The following FBXW7 variants were observed in gnomAD, a reference collection of about 807,000 sequenced individuals.
The protein encoded by FBXW7 is F-box/WD repeat-containing protein 7.
In FBXW7, 11 loss-of-function variants were observed where a neutral mutation model predicts 86.3. The ratio of observed to expected loss-of-function variants is 0.13; its 90% CI spans 0.08 to 0.21. FBXW7 has a LOEUF of 0.21. Among genes scored for constraint, FBXW7 ranks in the 10% least tolerant of loss-of-function variants. The pLI is 1.00. For synonymous variants in FBXW7, 313 were observed against 297.9 expected (o/e 1.05, Z -0.52); for missense variants, 488 against 847.4 (o/e 0.58, Z 5.27).
At chr4:152,496,952 A>G (rs1205102626) in intron 2 of FBXW7, among the ~76,000 whole-genome samples, 1 of 152,238 alleles carries the variant, frequency 6.6e-6, no homozygotes, top group African/African-American at 2.4e-5. Context: ...AAAGCAGACC[A>G]AAGAAGCTAT....
At chr4:152,327,538 G>A (rs1409319510) in intron 11 of FBXW7, among the ~76,000 whole-genome samples, 1 of 151,964 alleles carries the variant, frequency 6.6e-6, no homozygotes, top group Non-Finnish European at 1.5e-5. Flanking sequence ...AACAGCAAAG[G>A]CACTGAGAAG....
chr4:152,472,104 C>A (rs934682305), intron 2 of FBXW7, among the ~76,000 whole-genome samples: 5 of 151,850 alleles, frequency 3.3e-5, no homozygotes, highest in African/African-American at 1.2e-4. Context: ...ATACTACTAC[C>A]CTCCAAAATG....
intron 2 of FBXW7, among the ~76,000 whole-genome samples, chr4:152,501,468 A>C (rs1746943135): frequency 6.6e-6 from 1 of 152,234 alleles, no homozygotes; most frequent in Non-Finnish European, 1.5e-5. Flanking sequence ...ACTTGCTCAA[A>C]GGATAAAAGC....
At chr4:152,364,645 A>G (rs1351195294) in intron 4 of FBXW7, among the ~76,000 whole-genome samples, 2 of 152,192 alleles carry the variant, frequency 1.3e-5, no homozygotes, top group African/African-American at 2.4e-5. Context: ...CATAGAGCAC[A>G]TGCTTTTCAA....
chr4:152,462,232 T>A lies in FBXW7; in HGVS notation c.-119-49703A>T, dbSNP rs142420816. 8.6e-4 allele frequency among the ~76,000 whole-genome samples: 131 copies of A among 152,342 alleles called. 1 individual carries two copies. The East Asian group carries it at 0.02, about 24-fold the overall frequency. On this transcript the variant is annotated intron_variant, in intron 2 of 13. Coordinates refer to ENST00000281708, the MANE Select transcript of FBXW7 (RefSeq NM_001349798.2). Reference sequence around the variant, plus strand: ...TATCTTGCTTTCAGTGTTTGTTCCCTAAATTTTAACTCTTCTGTCAACAAT... The same window carrying A: ...TATCTTGCTTTCAGTGTTTGTTCCCAAAATTTTAACTCTTCTGTCAACAAT...
chr4:152,416,005 C>T (rs1738396465), intron 2 of FBXW7, among the ~76,000 whole-genome samples: 1 of 152,084 alleles, frequency 6.6e-6, no homozygotes. Context: ...AAAAATAGTA[C>T]CTGCTATATA....
At chr4:152,413,650 C>T (rs746479781) in intron 2 of FBXW7, among the ~76,000 whole-genome samples, 3 of 152,028 alleles carry the variant, frequency 2.0e-5, no homozygotes, top group African/African-American at 4.8e-5. Context: ...TTCCAAAACT[C>T]GAATCACTAC....
chr4:152,325,648 G>A, intron 12 of FBXW7: 1 of 205,640 alleles, frequency 4.9e-6, no homozygotes, highest in Non-Finnish European at 1.0e-5. Context: ...TCAAAGCAAA[G>A]GGGCAGCTTT....
intron 4 of FBXW7, among the ~76,000 whole-genome samples, chr4:152,406,860 T>C (rs1007914772): frequency 6.6e-6 from 1 of 152,182 alleles, no homozygotes; most frequent in Non-Finnish European, 1.5e-5. Context: ...GATGACTGAA[T>C]GCTGAAGGTT....
chr4:152,474,686 T>A (rs1744241536), intron 2 of FBXW7, among the ~76,000 whole-genome samples: 1 of 152,204 alleles, frequency 6.6e-6, no homozygotes, highest in Non-Finnish European at 1.5e-5. Context: ...AACATTTTTT[T>A]AAGATGGAGT....
chr4:152,345,963 C>A (rs994426042), intron 6 of FBXW7, among the ~76,000 whole-genome samples: 11 of 152,082 alleles, frequency 7.2e-5, no homozygotes, highest in African/African-American at 2.7e-4. Flanking sequence ...ATTCTTTTTA[C>A]ATTACTATGG....
intron 2 of FBXW7, among the ~76,000 whole-genome samples, chr4:152,437,678 C>T (rs1019382682): frequency 5.9e-5 from 9 of 152,166 alleles, no homozygotes; most frequent in African/African-American, 1.7e-4. Context: ...CAGCATCACA[C>T]GCTACAGAGA....
chr4:152,453,247 G>C (rs530588732), intron 2 of FBXW7, among the ~76,000 whole-genome samples: 2 of 152,222 alleles, frequency 1.3e-5, no homozygotes, highest in South Asian at 4.1e-4. Flanking sequence ...AAATATTAAG[G>C]CTTTACAGTC....
At chr4:152,396,863 TCATAG>T (rs1736460398) in intron 4 of FBXW7, among the ~76,000 whole-genome samples, 3 of 152,038 alleles carry the variant, frequency 2.0e-5, no homozygotes, top group African/African-American at 4.8e-5. Context: ...ATACTGTTTA[TCATAG>T]CAGTGACTTT....
intron 2 of FBXW7, among the ~76,000 whole-genome samples, chr4:152,439,009 T>C (rs1173865639): frequency 2.0e-5 from 3 of 152,210 alleles, no homozygotes; most frequent in Non-Finnish European, 4.4e-5. Context: ...GTCCAAAATT[T>C]TCCCCAGCAT....
chr4:152,357,613 G>A (rs918366141), intron 4 of FBXW7, among the ~76,000 whole-genome samples: 1 of 152,086 alleles, frequency 6.6e-6, no homozygotes, highest in African/African-American at 2.4e-5. Context: ...AAGCCACCGT[G>A]CCTGGCCAGA....
At chr4:152,480,256 T>C (rs542158690) in intron 2 of FBXW7, among the ~76,000 whole-genome samples, 3 of 152,314 alleles carry the variant, frequency 2.0e-5, no homozygotes, top group Non-Finnish European at 4.4e-5. Flanking sequence ...GTATCTGTTA[T>C]GGTGATCTGT....
At chr4:152,382,140 G>T in intron 4 of FBXW7, 2 of 1,373,678 alleles carry the variant, frequency 1.5e-6, no homozygotes, top group Non-Finnish European at 2.0e-6. Flanking sequence ...AGAGGCCAAG[G>T]TACTTCACTT....
intron 2 of FBXW7, among the ~76,000 whole-genome samples, chr4:152,495,959 TTA>T (rs1746301963): frequency 6.6e-6 from 1 of 152,166 alleles, no homozygotes; most frequent in Non-Finnish European, 1.5e-5. Flanking sequence ...AGAGGATCGC[TTA>T]ATCCCAGGAG....
Sources: gnomAD v4.1 joint callset for allele counts (sites outside exome capture counted in the v4.1 genomes callset) on GRCh38, gnomAD v4.1.1 for gene constraint, MANE v1.5 for transcripts, NCBI Gene and HGNC (gene_info 2026-07-23, HGNC 2026-07-21) for gene names.